TREM1: variants seen among roughly 807,000 people sequenced by gnomAD.
TREM1 encodes triggering receptor expressed on monocytes 1.
A neutral mutation model predicts 22.4 loss-of-function variants in TREM1; 16 were observed. That is an observed-to-expected ratio of 0.71 (90% CI 0.48 to 1.08). The LOEUF is 1.08. Ranked by LOEUF, TREM1 falls within the 50% of genes least tolerant of loss-of-function variation. TREM1 has a pLI of 0.00. For synonymous variants in TREM1, 110 were observed against 111.6 expected, an observed-to-expected ratio of 0.99 and a Z score of 0.09; for missense variants, 283 against 282.9, an observed-to-expected ratio of 1.00 and a Z score of 0.00.
chr6:41,271,379 C>T (rs1318214795), downstream of TREM1, among the ~76,000 whole-genome samples: 1 of 152,174 alleles, frequency 6.6e-6, no homozygotes, highest in Non-Finnish European at 1.5e-5. Context: ...CTCAAGGTCA[C>T]ATACATAGAG....
downstream of TREM1, among the ~76,000 whole-genome samples, chr6:41,270,851 G>T (rs758389278): frequency 6.6e-6 from 1 of 152,078 alleles, no homozygotes; most frequent in Non-Finnish European, 1.5e-5. Flanking sequence ...GACTACAGGC[G>T]TGTGCCACCA....
In TREM1 at chr6:41,274,042, T is replaced by C. The variant is rs1264159607; in HGVS notation, c.*2083A>G. Among the ~76,000 whole-genome samples the C allele has an allele frequency of 2.0e-5, 3 of 152,208 alleles. No individual in the cohort carries two copies. Among genetic ancestry groups the C allele is most frequent in the Non-Finnish European group, 4.4e-5 (3 of 68,036 alleles). On this transcript the variant is annotated 3_prime_UTR_variant, in exon 4 of 4. Transcript: ENST00000244709. ...AATGGGAGAGTATCCAGCACGGCCA[T>C]TTGTCTTCCGATTTAGTGCATATAA...
In TREM1 at chr6:41,282,768, A is replaced by C. The variant is rs1383974053; in HGVS notation, c.50-17T>G. On this transcript the variant is annotated splice_polypyrimidine_tract_variant and intron_variant, in intron 1 of 3. Coordinates refer to ENST00000244709, the MANE Select transcript of TREM1 (RefSeq NM_018643.5). ...CTCGGAGTTCTATAAGCAGGGAAAG[A>C]GAATGGGTTCTGTGAGGAATTATTT... The C allele has an allele frequency of 1.3e-6, 2 of 1,595,056 alleles. No individual in the cohort carries two copies. The highest frequency in any genetic ancestry group is 1.4e-5 in the African/African-American group (1 of 72,546).
Position 41,281,521 on chromosome 6 carries a change from A to G in TREM1, c.407-368T>C, listed in dbSNP as rs531480775. ...AATTCTTGTGCCCCAACCTTCTCCA[A>G]GAATAATTCCAGGCTTACTTGATTC... On this transcript the variant is annotated intron_variant, in intron 2 of 3. Coordinates refer to ENST00000244709, the MANE Select transcript of TREM1 (RefSeq NM_018643.5). The G allele has an allele frequency of 1.6e-4, 39 of 243,258 alleles. No individual in the cohort carries two copies. The South Asian group carries it at 2.5e-3, about 16-fold the overall frequency. The allele number at this position is 243,258 out of a possible 1,614,324, so 15.1% of individuals were successfully genotyped here.
intron 3 of TREM1, among the ~76,000 whole-genome samples, chr6:41,279,354 C>G (rs1355405424): frequency 3.3e-5 from 5 of 152,350 alleles, no homozygotes; most frequent in African/African-American, 1.2e-4. Context: ...CCTGCTTTCA[C>G]TGCTTCATTC....
intron 3 of TREM1, among the ~76,000 whole-genome samples, chr6:41,278,429 G>A (rs1479814043): frequency 6.6e-6 from 1 of 151,846 alleles, no homozygotes; most frequent in African/African-American, 2.4e-5. Flanking sequence ...CAGCACTTTG[G>A]GAGGCCGAGG....
chr6:41,282,671 T>G lies in TREM1; in HGVS notation c.130A>C (p.Thr44Pro). 1.2e-6 allele frequency: 2 copies of G among 1,614,188 alleles called. No homozygotes were observed. The change falls in exon 2 of 4, where the codon ACG (threonine) becomes CCG (proline). Residue 44 changes from threonine to proline, a missense_variant. Thr to Pro is a conservative substitution (Grantham distance 38, BLOSUM62 -1). Coordinates refer to ENST00000244709, the MANE Select transcript of TREM1 (RefSeq NM_018643.5). ...GQTLDVKCDYTLEKFASSQKA... is the reference protein window; with the variant it reads ...GQTLDVKCDYPLEKFASSQKA... ...TGGCTGCTGGCAAACTTCTCTAGCG[T>G]GTAGTCACATTTCACATCCAGGGTC... is the stretch of plus-strand genomic sequence containing the variant.
At chr6:41,280,778 C>A in intron 3 of TREM1, 183 bp downstream of exon 3, 1 of 1,456,278 alleles carries the variant, frequency 6.9e-7, no homozygotes, top group Non-Finnish European at 9.0e-7. Flanking sequence ...TGGCTGAGAG[C>A]CTCCCCTATT....
At chr6:41,278,451 C>T (rs115245982) in intron 3 of TREM1, among the ~76,000 whole-genome samples, 4,636 of 151,868 alleles carry the variant, frequency 0.031, 104 homozygotes, top group South Asian at 0.051. Flanking sequence ...GGGAGGATCA[C>T]TTGATCCCAA....
At chr6:41,279,343 T>A (rs149771537) in intron 3 of TREM1, among the ~76,000 whole-genome samples, 1 of 152,346 alleles carries the variant, frequency 6.6e-6, no homozygotes, top group African/African-American at 2.4e-5. Flanking sequence ...TTAAATAAAT[T>A]CCTGCTTTCA....
chr6:41,286,304 A>C (rs1387094114), intron 1 of TREM1, among the ~76,000 whole-genome samples: 1 of 152,236 alleles, frequency 6.6e-6, no homozygotes, highest in Non-Finnish European at 1.5e-5. Flanking sequence ...TTCAACATCA[A>C]ATAAACTTAT....
downstream of TREM1, among the ~76,000 whole-genome samples, chr6:41,271,550 G>A (rs903552371): frequency 1.3e-5 from 2 of 152,174 alleles, no homozygotes; most frequent in East Asian, 1.9e-4. Context: ...CTCTACTAAC[G>A]CCTCCTCTGC....
intron 3 of TREM1, among the ~76,000 whole-genome samples, chr6:41,277,404 C>A (rs554567478): frequency 4.6e-5 from 7 of 152,166 alleles, no homozygotes; most frequent in East Asian, 3.9e-4. Flanking sequence ...GGGCAGGGAG[C>A]CAGCATCTCT....
Position 41,282,566 on chromosome 6 carries a change from G to T in TREM1, c.235C>A (p.Pro79Thr). 1.2e-6 allele frequency: 2 copies of T among 1,614,202 alleles called. No homozygotes were observed. Among genetic ancestry groups the T allele is most frequent in the Non-Finnish European group, 1.7e-6 (2 of 1,180,042 alleles). ...AGTATGATCCTCCCCACTTGGACTG[G>T]ATGGGAATTCTTTGAAGGCCTCTCT... ...CTERPSKNSH[P>T]VQVGRIILED... Residue 79 changes from proline (P) to threonine (T), a missense_variant, in exon 2 of 4, where the codon CCA (proline) becomes ACA (threonine). Pro to Thr is a conservative substitution (Grantham distance 38). Transcript: ENST00000244709.
intron 3 of TREM1, among the ~76,000 whole-genome samples, chr6:41,278,319 C>A (rs1332925975): frequency 6.6e-6 from 1 of 152,086 alleles, no homozygotes; most frequent in Non-Finnish European, 1.5e-5. Context: ...CTCTCCATCC[C>A]CAGGATAGCG....
intron 1 of TREM1, among the ~76,000 whole-genome samples, chr6:41,286,176 T>C (rs1207404508): frequency 6.6e-6 from 1 of 152,220 alleles, no homozygotes. Context: ...TCCTCAGCAG[T>C]AGTATATTTG....
intron 3 of TREM1, chr6:41,268,163 A>G (rs981232943): frequency 2.5e-6 from 1 of 398,124 alleles, no homozygotes; most frequent in Non-Finnish European, 4.4e-6. Flanking sequence ...TTCACTTGGC[A>G]TCCTTTATGG....
chr6:41,278,984 CA>C (rs895628026), intron 3 of TREM1, among the ~76,000 whole-genome samples: 2 of 152,124 alleles, frequency 1.3e-5, no homozygotes, highest in African/African-American at 4.8e-5. Flanking sequence ...GGCCAATTAA[CA>C]TAAACTTTCT....
intron 2 of TREM1, 158 bp from the exon 3 acceptor site, chr6:41,281,311 G>A: frequency 1.2e-6 from 1 of 828,094 alleles, no homozygotes; most frequent in East Asian, 2.7e-5. Flanking sequence ...AATGAGCATG[G>A]CCCAAATGCA....
Sources: gnomAD v4.1 joint callset for allele counts (sites outside exome capture counted in the v4.1 genomes callset) on GRCh38, gnomAD v4.1.1 for gene constraint, MANE v1.5 for transcripts, NCBI Gene and HGNC (gene_info 2026-07-23, HGNC 2026-07-21) for gene names.